Variants in GRID2 observed in about 807,000 individuals in gnomAD.
GRID2 encodes the protein glutamate receptor ionotropic, delta-2.
A neutral mutation model predicts 114.8 loss-of-function variants in GRID2; 33 were observed. That is an observed-to-expected ratio of 0.29 (90% CI 0.22 to 0.38). GRID2 has a LOEUF of 0.38. GRID2 is among the 10% of genes least tolerant of loss of function. GRID2 has a pLI of 1.00. For synonymous variants in GRID2, 505 were observed against 449.9 expected (o/e 1.12, Z -1.55); for missense variants, 1,184 against 1,257.7 (o/e 0.94, Z 0.89).
intron 2 of GRID2, among the ~76,000 whole-genome samples, chr4:93,074,285 T>C (rs1455484166): frequency 6.6e-6 from 1 of 152,148 alleles, no homozygotes; most frequent in Non-Finnish European, 1.5e-5. Context: ...CAGTCTGCAG[T>C]CTCTTACAGC....
intron 1 of GRID2, among the ~76,000 whole-genome samples, chr4:92,522,370 G>T (rs574655174): frequency 6.6e-6 from 1 of 152,014 alleles, no homozygotes; most frequent in South Asian, 2.1e-4. Flanking sequence ...ACGATGCAGG[G>T]CGTTATAAGC....
chr4:93,084,386 C>T (rs1241933885), intron 2 of GRID2, among the ~76,000 whole-genome samples: 1 of 152,034 alleles, frequency 6.6e-6, no homozygotes, highest in Non-Finnish European at 1.5e-5. Flanking sequence ...TTTGATTTGA[C>T]CATAAGCTTT....
chr4:93,289,247 A>G (rs144752654), intron 8 of GRID2, among the ~76,000 whole-genome samples: 272 of 152,306 alleles, frequency 1.8e-3, no homozygotes, highest in Non-Finnish European at 2.5e-3. Flanking sequence ...TTAAGTTTCT[A>G]TTATCATACT....
intron 14 of GRID2, among the ~76,000 whole-genome samples, chr4:93,689,499 T>G (rs1170913036): frequency 6.6e-6 from 1 of 151,996 alleles, no homozygotes; most frequent in African/African-American, 2.4e-5. Context: ...CTCTAATTGC[T>G]CCAGATCAGA....
intron 8 of GRID2, among the ~76,000 whole-genome samples, chr4:93,361,668 C>T (rs1220422338): frequency 6.6e-6 from 1 of 151,722 alleles, no homozygotes; most frequent in Non-Finnish European, 1.5e-5. Context: ...GCATCTAGTT[C>T]AGTGATTAAT....
At chr4:92,524,658 CT>C (rs1195592292) in intron 1 of GRID2, among the ~76,000 whole-genome samples, 3 of 151,936 alleles carry the variant, frequency 2.0e-5, no homozygotes, top group African/African-American at 7.3e-5. Context: ...ATTCCGTCTA[CT>C]TTCTTAGTTT....
chr4:92,482,029 T>TAA (rs1722637728), intron 1 of GRID2, among the ~76,000 whole-genome samples: 1 of 59,574 alleles, frequency 1.7e-5, no homozygotes. Flanking sequence ...TATATATATA[T>TAA]ATATAAAATA....
intron 2 of GRID2, among the ~76,000 whole-genome samples, chr4:92,617,542 G>A (rs1730059962): frequency 6.6e-6 from 1 of 151,622 alleles, no homozygotes; most frequent in South Asian, 2.1e-4. Flanking sequence ...ATAAATGACA[G>A]GATATCATTC....
intron 1 of GRID2, among the ~76,000 whole-genome samples, chr4:92,587,394 T>C (rs1049629380): frequency 1.3e-5 from 2 of 152,044 alleles, no homozygotes; most frequent in Admixed American, 1.3e-4. Context: ...AGAATAGAGA[T>C]GACTTTGCTG....
At chr4:92,761,197 A>C (rs1210868821) in intron 2 of GRID2, among the ~76,000 whole-genome samples, 4 of 152,082 alleles carry the variant, frequency 2.6e-5, no homozygotes, top group Non-Finnish European at 4.4e-5. Context: ...AAAAAAAATC[A>C]CATTATTCAA....
intron 2 of GRID2, among the ~76,000 whole-genome samples, chr4:92,728,263 C>T (rs1296490113): frequency 3.3e-5 from 5 of 152,020 alleles, no homozygotes; most frequent in African/African-American, 1.2e-4. Flanking sequence ...ACAAATTACC[C>T]CAAATGTTAC....
At chr4:92,750,605 G>A (rs1737403782) in intron 2 of GRID2, among the ~76,000 whole-genome samples, 1 of 152,138 alleles carries the variant, frequency 6.6e-6, no homozygotes, top group Non-Finnish European at 1.5e-5. Context: ...ATGGGGAATA[G>A]CACCTGAACA....
chr4:92,425,855 T>C (rs1732135552), intron 1 of GRID2, among the ~76,000 whole-genome samples: 1 of 152,164 alleles, frequency 6.6e-6, no homozygotes, highest in African/African-American at 2.4e-5. Flanking sequence ...CAAATTAATA[T>C]ATTTAAAGCA....
intron 8 of GRID2, among the ~76,000 whole-genome samples, chr4:93,262,281 C>T (rs891642292): frequency 1.3e-5 from 2 of 151,924 alleles, no homozygotes; most frequent in African/African-American, 2.4e-5. Context: ...CTTTCTAAAG[C>T]AGTGCCTCAC....
In GRID2 at chr4:92,709,450, GTT is replaced by G. The variant is rs1735114846; in HGVS notation, c.244+119165_244+119166del. 2.6e-5 allele frequency among the ~76,000 whole-genome samples: 4 copies of G among 151,238 alleles called. No homozygotes were observed. The South Asian group carries it at 8.4e-4, about 32-fold the overall frequency. Reference sequence around the variant, plus strand: ...TGTAATGATACGCTATTCGCAGTTTGTTGCAATTTTTCAAATGATCTACAAAG... The same window carrying G: ...TGTAATGATACGCTATTCGCAGTTTGGCAATTTTTCAAATGATCTACAAAG... On this transcript the variant is annotated intron_variant, in intron 2 of 15. Coordinates refer to ENST00000282020, the MANE Select transcript of GRID2 (RefSeq NM_001510.4).
chr4:93,582,319 T>A (rs1177946854), intron 13 of GRID2, among the ~76,000 whole-genome samples: 1 of 152,158 alleles, frequency 6.6e-6, no homozygotes, highest in Non-Finnish European at 1.5e-5. Flanking sequence ...AGGACCCTTG[T>A]CCTTTAAGAT....
intron 1 of GRID2, among the ~76,000 whole-genome samples, chr4:93,801,134 T>C (rs1734919609): frequency 6.6e-6 from 1 of 152,164 alleles, no homozygotes; most frequent in Admixed American, 6.5e-5. Context: ...GAGAGTGAAC[T>C]CAATTGTTTA....
chr4:93,252,044 C>T (rs1320660270), intron 8 of GRID2, among the ~76,000 whole-genome samples: 1 of 152,064 alleles, frequency 6.6e-6, no homozygotes, highest in Non-Finnish European at 1.5e-5. Context: ...TTAGGACTTT[C>T]AGGAATTGCC....
In GRID2 at chr4:92,384,570, TATATAAA is replaced by T. The variant is rs1475622161; in HGVS notation, c.88+79832_88+79838del. Among the ~76,000 whole-genome samples, 22 of 73,196 alleles carry T rather than the reference TATATAAA, an allele frequency of 3.0e-4. 2 individuals carry two copies. The highest frequency in any genetic ancestry group is 1.5e-3 in the African/African-American group (21 of 13,954). The allele number at this position is 73,196 out of a possible 152,430, so 48.0% of individuals were successfully genotyped here. A position where few individuals can be genotyped will look rare whatever the true frequency, so the allele number is the denominator to read the frequency against. On this transcript the variant is annotated intron_variant, in intron 1 of 15. Transcript: ENST00000282020. ...ATAATATATATTATATATAATATAATATATAAAATATATTATATTATATATAACATAA... is the reference window on the plus strand; with the variant it reads ...ATAATATATATTATATATAATATAATATATATTATATTATATATAACATAA...
Sources: gnomAD v4.1 joint callset for allele counts (sites outside exome capture counted in the v4.1 genomes callset) on GRCh38, gnomAD v4.1.1 for gene constraint, MANE v1.5 for transcripts, NCBI Gene and HGNC (gene_info 2026-07-23, HGNC 2026-07-21) for gene names.